Variants in KIAA0825 observed in about 807,000 individuals in gnomAD.
KIAA0825 encodes KIAA0825, also known as uncharacterized protein KIAA0825.
Under a neutral mutation model 147.6 loss-of-function variants are expected in KIAA0825, and 119 were observed. The observed-to-expected ratio is 0.81, with a 90% CI of 0.69 to 0.94. The LOEUF is 0.94. KIAA0825 is among the 40% of genes least tolerant of loss of function. The probability of loss-of-function intolerance (pLI) is 0.00; values close to 1 mark genes in which losing one functional copy is unlikely to be tolerated. For missense variants in KIAA0825, 1,381 were observed against 1,472.7 expected (o/e 0.94, Z 1.02); for synonymous variants, 470 against 518.1 (o/e 0.91, Z 1.26).
intron 2 of KIAA0825, among the ~76,000 whole-genome samples, chr5:94,555,825 A>G (rs572522665): frequency 1.3e-5 from 2 of 152,314 alleles, no homozygotes; most frequent in African/African-American, 2.4e-5. Context: ...TATATTTCAC[A>G]TGATTTCAAA....
Position 94,417,248 on chromosome 5 carries a change from C to T in KIAA0825, c.2615G>A (p.Ser872Asn). ...CCATAATTGCTCTTCTTCCATGTAG[C>T]TCACAAAAACGTTTGCAAATGTTTG... ...SPQTFANVFV[S>N]YMEEEQLWDF... The change falls in exon 15 of 21, where the codon AGC (serine) becomes AAC (asparagine). Residue 872 changes from serine to asparagine, a missense_variant. Transcript: ENST00000682413. 6.4e-7 allele frequency: 1 copy of T among 1,550,988 alleles called. No homozygotes were observed. The highest frequency in any genetic ancestry group is 8.7e-7 in the Non-Finnish European group (1 of 1,146,536).
chr5:94,194,532 C>G (rs1233012585), intron 20 of KIAA0825, among the ~76,000 whole-genome samples: 1 of 152,166 alleles, frequency 6.6e-6, no homozygotes, highest in Non-Finnish European at 1.5e-5. Flanking sequence ...TCTAGAAATC[C>G]AAAGTGGAGT....
chr5:94,238,826 T>C (rs754267337), intron 20 of KIAA0825, among the ~76,000 whole-genome samples: 32 of 152,128 alleles, frequency 2.1e-4, no homozygotes, highest in Non-Finnish European at 3.5e-4. Flanking sequence ...TAGGTAAGCA[T>C]GACATTTAAA....
chr5:94,403,623 G>A lies in KIAA0825; in HGVS notation c.2833C>T (p.Pro945Ser). 1 of 1,551,286 alleles carries A rather than the reference G, an allele frequency of 6.4e-7. No homozygotes were observed. The highest frequency in any genetic ancestry group is 8.7e-7 in the Non-Finnish European group (1 of 1,146,848). The change falls in exon 16 of 21, where the codon CCA (proline) becomes TCA (serine). Residue 945 changes from proline (P) to serine (S), a missense_variant. Transcript: ENST00000682413. ...IVPDCLLESM[P>S]KEWNYSPKET... is the part of the protein sequence containing the mutation. Reference sequence around the variant, plus strand: ...TTTGGACTATAATTCCATTCCTTTGGCATGCTCTCAAGCAAACAATCAGGA... The same window carrying A: ...TTTGGACTATAATTCCATTCCTTTGACATGCTCTCAAGCAAACAATCAGGA...
At chr5:94,213,407 T>G (rs1200476286) in intron 20 of KIAA0825, among the ~76,000 whole-genome samples, 2 of 152,184 alleles carry the variant, frequency 1.3e-5, no homozygotes, top group East Asian at 3.8e-4. Flanking sequence ...AAATTGGTAT[T>G]GCAGTCTCCT....
intron 20 of KIAA0825, among the ~76,000 whole-genome samples, chr5:94,179,731 A>G (rs189749269): frequency 6.6e-6 from 1 of 152,144 alleles, no homozygotes; most frequent in Admixed American, 6.6e-5. Context: ...CGATGGGAGC[A>G]TATTAAAACA....
chr5:94,317,753 G>A (rs1045612617), intron 20 of KIAA0825, among the ~76,000 whole-genome samples: 3 of 151,640 alleles, frequency 2.0e-5, no homozygotes, highest in Non-Finnish European at 4.4e-5. Flanking sequence ...AGATAAATAC[G>A]AATGTGCTTT....
intron 20 of KIAA0825, among the ~76,000 whole-genome samples, chr5:94,341,441 C>CATT (rs1782370194): frequency 6.6e-6 from 1 of 152,218 alleles, no homozygotes. Flanking sequence ...CCATCATCAT[C>CATT]ATTATCATGG....
At chr5:94,493,511 G>A (rs970707639) in intron 5 of KIAA0825, among the ~76,000 whole-genome samples, 2 of 152,090 alleles carry the variant, frequency 1.3e-5, no homozygotes, top group East Asian at 1.9e-4. Context: ...TTGTTGAGAC[G>A]GAGTCTTCCT....
intron 20 of KIAA0825, among the ~76,000 whole-genome samples, chr5:94,283,960 C>G (rs1230426438): frequency 6.6e-6 from 1 of 152,108 alleles, no homozygotes; most frequent in African/African-American, 2.4e-5. Context: ...ACCAGTTGTT[C>G]TATTACACAC....
intron 2 of KIAA0825, among the ~76,000 whole-genome samples, chr5:94,546,467 G>A (rs779035468): frequency 1.2e-4 from 19 of 152,178 alleles, no homozygotes; most frequent in Non-Finnish European, 1.6e-4. Context: ...AGTGGTGGTG[G>A]CCACAGGGGT....
chr5:94,419,430 A>C (rs1423866474), intron 14 of KIAA0825, among the ~76,000 whole-genome samples: 3 of 152,136 alleles, frequency 2.0e-5, no homozygotes, highest in African/African-American at 7.2e-5. Flanking sequence ...CACTGTTAAA[A>C]ATTCCTTATC....
chr5:94,213,243 T>A (rs1398597451), intron 20 of KIAA0825, among the ~76,000 whole-genome samples: 1 of 152,136 alleles, frequency 6.6e-6, no homozygotes, highest in Non-Finnish European at 1.5e-5. Flanking sequence ...AATTTGGGCA[T>A]CATGATTTTC....
At chr5:94,447,102 G>T (rs1757824340) in intron 13 of KIAA0825, among the ~76,000 whole-genome samples, 1 of 152,028 alleles carries the variant, frequency 6.6e-6, no homozygotes, top group Non-Finnish European at 1.5e-5. Flanking sequence ...GTTCGGAGGG[G>T]AATATCCTAA....
intron 14 of KIAA0825, among the ~76,000 whole-genome samples, chr5:94,421,710 A>G (rs989103371): frequency 1.3e-5 from 2 of 152,124 alleles, no homozygotes; most frequent in Non-Finnish European, 2.9e-5. Flanking sequence ...ATATATATCA[A>G]TCTAAACTCC....
At chr5:94,578,760 A>C (rs1450772829) in intron 2 of KIAA0825, among the ~76,000 whole-genome samples, 1 of 152,210 alleles carries the variant, frequency 6.6e-6, no homozygotes, top group African/African-American at 2.4e-5. Context: ...TCAATTTTTC[A>C]TGTGCCAGTC....
At chr5:94,327,233 T>G (rs1780789122) in intron 20 of KIAA0825, among the ~76,000 whole-genome samples, 1 of 152,142 alleles carries the variant, frequency 6.6e-6, no homozygotes. Context: ...CATGTTTCTA[T>G]GTACTCTTCA....
At chr5:94,167,736 T>C (rs1379099985) in intron 20 of KIAA0825, among the ~76,000 whole-genome samples, 1 of 152,084 alleles carries the variant, frequency 6.6e-6, no homozygotes, top group Non-Finnish European at 1.5e-5. Flanking sequence ...AATTTAATGA[T>C]AGATTGGGCT....
chr5:94,254,726 C>T (rs1007836195), intron 20 of KIAA0825, among the ~76,000 whole-genome samples: 1 of 152,050 alleles, frequency 6.6e-6, no homozygotes, highest in Non-Finnish European at 1.5e-5. Flanking sequence ...GGTTAAGTCA[C>T]TTGTCTGAGG....
Sources: allele counts gnomAD v4.1 joint callset (sites outside exome capture counted in the v4.1 genomes callset), GRCh38; gene constraint gnomAD v4.1.1; transcripts MANE v1.5; gene names NCBI Gene and HGNC (gene_info 2026-07-23, HGNC 2026-07-21).